Variants in IMP4 observed in about 807,000 individuals in gnomAD.
The protein encoded by IMP4 is IMP U3 small nucleolar ribonucleoprotein 4, also known as U3 small nucleolar ribonucleoprotein IMP4.
IMP4 carries 30 observed loss-of-function variants against 42.7 expected under a neutral mutation model. The observed-to-expected ratio is 0.70, with a 90% confidence interval of 0.53 to 0.95. The LOEUF (loss-of-function observed/expected upper bound fraction) is 0.95. IMP4 is among the 40% of genes least tolerant of loss of function. The probability of loss-of-function intolerance (pLI) is 0.00; values close to 1 mark genes in which losing one functional copy is unlikely to be tolerated. For synonymous variants in IMP4, 165 were observed against 165.2 expected (o/e 1.00, Z 0.01); for missense variants, 382 against 411.4 (o/e 0.93, Z 0.62).
In IMP4 at chr2:130,347,063, C is replaced by G. The variant is rs1450094149; in HGVS notation, c.*595C>G. ...TGTAAAAAATAACATGCCACATTTT[C>G]TTACCAATCCGTCCACCAATAGACA... On this transcript the variant is annotated 3_prime_UTR_variant, in exon 9 of 9. Transcript: ENST00000259239. 3.2e-5 allele frequency: 5 copies of G among 157,090 alleles called. No homozygotes were observed. In the East Asian group the frequency reaches 9.5e-4, roughly 30 times the overall value. 9.7% of individuals were successfully genotyped at this position (157,090 alleles called of 1,614,324 possible).
chr2:130,346,651 A>G lies in IMP4; in HGVS notation c.*183A>G, dbSNP rs1426267382. The G allele has an allele frequency of 1.3e-5, 8 of 625,482 alleles. No individual in the cohort carries two copies. Among genetic ancestry groups the G allele is most frequent in the Admixed American group, 1.0e-4 (4 of 39,132 alleles). The allele number at this position is 625,482 out of a possible 1,614,324, so 38.7% of individuals were successfully genotyped here. ...CCGCCTGCCTCTGAGTGGTCAGGCC[A>G]AGTCTGCAGGGCAAAGCCCATGGGA... On this transcript the variant is annotated 3_prime_UTR_variant, in exon 9 of 9. Transcript: ENST00000259239.
rs966291566 is a variant in IMP4 at position 130,347,266 on chromosome 2, A to G, written c.*798A>G. The G allele has an allele frequency of 6.6e-6, 1 of 152,226 alleles. No homozygotes were observed. The highest frequency in any genetic ancestry group is 2.4e-5 in the African/African-American group (1 of 41,434). The allele number at this position is 152,226 out of a possible 1,614,324, so 9.4% of individuals were successfully genotyped here. ...TTGAGGAACCGCCATACTGTTTTCC[A>G]TAAAGGCTGTACTAATTTCCATTCT... On this transcript the variant is annotated 3_prime_UTR_variant, in exon 9 of 9. Transcript: ENST00000259239.
intron 2 of IMP4, 91 bp downstream of exon 2, chr2:130,343,285 C>T (rs1361142985): frequency 3.1e-6 from 3 of 961,112 alleles, no homozygotes; most frequent in South Asian, 1.4e-5. Context: ...AAATGCTTGC[C>T]GGCCGTTTTC....
Position 130,346,979 on chromosome 2 carries a change from A to G in IMP4, c.*511A>G, listed in dbSNP as rs867736767. ...TTTGTTTTGTGTCTGGCTTATTTCT[A>G]TTAACATAATGTTCTCCAGGTTCCT... On this transcript the variant is annotated 3_prime_UTR_variant, in exon 9 of 9. Coordinates refer to ENST00000259239, the MANE Select transcript of IMP4 (RefSeq NM_033416.3). The G allele has an allele frequency of 3.0e-5, 5 of 164,034 alleles. No homozygotes were observed. The highest frequency in any genetic ancestry group is 1.2e-4 in the African/African-American group (5 of 41,738). 10.2% of individuals were successfully genotyped at this position (164,034 alleles called of 1,614,324 possible).
rs1417657126 is a variant in IMP4 at position 130,346,211 on chromosome 2, T to A, written c.700T>A (p.Tyr234Asn). Residue 234 changes from tyrosine to asparagine, a missense_variant, in exon 8 of 9, where the codon TAT (tyrosine) becomes AAT (asparagine). Physicochemically the swap from Tyr to Asn is moderately radical, Grantham distance 143. Coordinates refer to ENST00000259239, the MANE Select transcript of IMP4 (RefSeq NM_033416.3). ...GCTGTTCCCTCCCAGGCACCATGTGTATAAGAAGACAGACCACCGCAACGT... is the reference window on the plus strand; with the variant it reads ...GCTGTTCCCTCCCAGGCACCATGTGAATAAGAAGACAGACCACCGCAACGT... ...DDYISFRHHV[Y>N]KKTDHRNVEL... 1 of 1,613,976 alleles carries A rather than the reference T, an allele frequency of 6.2e-7. No homozygotes were observed. The highest frequency in any genetic ancestry group is 1.3e-5 in the African/African-American group (1 of 74,898).
chr2:130,344,517 G>A, intron 2 of IMP4, 112 bp from the exon 3 acceptor site: 1 of 765,540 alleles, frequency 1.3e-6, no homozygotes, highest in African/African-American at 1.7e-5. Context: ...GCTCAGAAAG[G>A]GCTGAGGTAT....
At chr2:130,343,400 G>T (rs1050662518) in intron 2 of IMP4, 14 of 712,662 alleles carry the variant, frequency 2.0e-5, no homozygotes, top group Non-Finnish European at 3.4e-5. Context: ...CAGCTTGCCC[G>T]CTGTGTGCAG....
In IMP4 at chr2:130,346,582, T is replaced by G; in HGVS notation, c.*114T>G. 1.3e-6 allele frequency: 1 copy of G among 793,716 alleles called. No homozygotes were observed. Among genetic ancestry groups the G allele is most frequent in the East Asian group, 2.7e-5 (1 of 37,492 alleles). 49.2% of individuals were successfully genotyped at this position (793,716 alleles called of 1,614,324 possible). A position where few individuals can be genotyped will look rare whatever the true frequency, so the allele number is the denominator to read the frequency against. ...GGCCTGCTGAACTGGGATGTGGAAC[T>G]GTGGCGGGTGGAGAGGTCTGAATAA... is the stretch of plus-strand genomic sequence containing the variant. On this transcript the variant is annotated 3_prime_UTR_variant, in exon 9 of 9. Coordinates refer to ENST00000259239, the MANE Select transcript of IMP4 (RefSeq NM_033416.3).
rs755918005 is a variant in IMP4 at position 130,345,953 on chromosome 2, G to A, written c.594+20G>A. ...AAGCGGGTGAGTCTGGGGGCCTTCA[G>A]GCTGGGGCTGCGGGCCAGGCCAGGC... On this transcript the variant is annotated intron_variant, in intron 6 of 8. Coordinates refer to ENST00000259239, the MANE Select transcript of IMP4 (RefSeq NM_033416.3). This position sits in a 1 kb window ranked among gnomAD's most constrained non-coding sequence, Gnocchi z 4.9. The A allele has an allele frequency of 1.9e-6, 3 of 1,614,208 alleles. No homozygotes were observed. The South Asian group carries it at 3.3e-5, about 18-fold the overall frequency.
rs548838240 is a variant in IMP4, at chr2:130,344,725, G to A, written c.196+13G>A. Reference sequence around the variant, plus strand: ...GCTGGAGGTGAAGGTAACTATACAAGGTAGCCCTCCCCAACACTGAGCTGG... The same window carrying A: ...GCTGGAGGTGAAGGTAACTATACAAAGTAGCCCTCCCCAACACTGAGCTGG... On this transcript the variant is annotated intron_variant, in intron 3 of 8. Coordinates refer to ENST00000259239, the MANE Select transcript of IMP4 (RefSeq NM_033416.3). The A allele has an allele frequency of 3.8e-6, 6 of 1,585,352 alleles. No individual in the cohort carries two copies. In the South Asian group the frequency reaches 6.6e-5, roughly 18 times the overall value.
chr2:130,344,420 G>A (rs1056336690), intron 2 of IMP4, among the ~76,000 whole-genome samples: 1 of 152,218 alleles, frequency 6.6e-6, no homozygotes, highest in East Asian at 1.9e-4. Flanking sequence ...CAAGTCATGA[G>A]ACTAAAGAAA....
Position 130,345,866 on chromosome 2 carries a change from T to C in IMP4, c.527T>C (p.Leu176Pro), listed in dbSNP as rs1431453677. 1.2e-6 allele frequency: 2 copies of C among 1,614,158 alleles called. No individual in the cohort carries two copies. The highest frequency in any genetic ancestry group is 2.2e-5 in the South Asian group (2 of 91,078). ...NVVMRHDIPDLGTMSEAKPHL... is the reference protein window; with the variant it reads ...NVVMRHDIPDPGTMSEAKPHL... The stretch of plus-strand genomic sequence containing the variant: ...GTCATGCGGCATGACATCCCAGACC[T>C]GGGCACCATGTCGGAGGCCAAGCCC... The change falls in exon 6 of 9, where the codon CTG (leucine) becomes CCG (proline). Residue 176 changes from leucine (L) to proline (P), a missense_variant. Transcript: ENST00000259239. The surrounding 1 kb of genome is among the most constrained non-coding windows in gnomAD (Gnocchi z 4.9).
rs1573843525 is a variant in IMP4 at position 130,346,041 on chromosome 2, A to G, written c.618A>G (p.Leu206=). The G allele has an allele frequency of 1.2e-6, 2 of 1,613,868 alleles. No homozygotes were observed. Among genetic ancestry groups the G allele is most frequent in the Admixed American group, 3.3e-5 (2 of 59,992 alleles). Residue 206 remains leucine (L), a synonymous_variant, in exon 7 of 9, where the codon CTA becomes CTG. Transcript: ENST00000259239. ...GKRVSDILRY[L]FPVPKDDSHR... ...AGGTCTCTGACATCCTCCGATACCTATTTCCCGTGCCCAAAGATGACAGCC... is the reference window on the plus strand; with the variant it reads ...AGGTCTCTGACATCCTCCGATACCTGTTTCCCGTGCCCAAAGATGACAGCC...
rs367824975 is a variant in IMP4, at chr2:130,346,333, G to A, written c.764-23G>A. ...GGGAGGGGAGGCTGGCTGTGCCGGG[G>A]CTGATGCCATCCCTGCCTGCAGTGT... On this transcript the variant is annotated intron_variant, in intron 8 of 8. Transcript: ENST00000259239. 8 of 1,602,886 alleles carry A rather than the reference G, an allele frequency of 5.0e-6. No individual in the cohort carries two copies. In the Admixed American group the frequency reaches 1.4e-4, roughly 28 times the overall value.
chr2:130,346,046 C>T lies in IMP4; in HGVS notation c.623C>T (p.Pro208Leu), dbSNP rs151133666. ...TCTGACATCCTCCGATACCTATTTC[C>T]CGTGCCCAAAGATGACAGCCACCGG... ...RVSDILRYLF[P>L]VPKDDSHRVI... The change falls in exon 7 of 9, where the codon CCC becomes CTC. Residue 208 changes from proline to leucine, a missense_variant. Pro to Leu is a moderately conservative substitution (Grantham distance 98). Transcript: ENST00000259239. 2 of 1,614,206 alleles carry T rather than the reference C, an allele frequency of 1.2e-6. No individual in the cohort carries two copies. Among genetic ancestry groups the T allele is most frequent in the East Asian group, 2.2e-5 (1 of 44,876 alleles).
Position 130,346,252 on chromosome 2 carries a change from C to A in IMP4, c.741C>A (p.Val247=). 1.2e-6 allele frequency: 2 copies of A among 1,614,100 alleles called. No individual in the cohort carries two copies. The highest frequency in any genetic ancestry group is 1.7e-6 in the Non-Finnish European group (2 of 1,180,008). ...TDHRNVELTE[V]GPRFELKLYM... is the part of the protein sequence containing the mutation. ...ACCGCAACGTGGAGCTCACTGAGGT[C>A]GGGCCCCGCTTTGAGCTGAAGCGTG... Residue 247 remains valine, a synonymous_variant, in exon 8 of 9, where the codon GTC becomes GTA. Coordinates refer to ENST00000259239, the MANE Select transcript of IMP4 (RefSeq NM_033416.3).
chr2:130,347,791 A>G lies in IMP4; in HGVS notation c.*1323A>G, dbSNP rs1415126268. ...CCAGCCTCCAGAGCTGTGAGAAATA[A>G]ATGCCTGTTGTTTAAGCTACCCAGT... On this transcript the variant is annotated 3_prime_UTR_variant, in exon 9 of 9. Coordinates refer to ENST00000259239, the MANE Select transcript of IMP4 (RefSeq NM_033416.3). 6.5e-6 allele frequency: 1 copy of G among 153,006 alleles called. No homozygotes were observed. The highest frequency in any genetic ancestry group is 1.5e-5 in the Non-Finnish European group (1 of 68,708). 9.5% of individuals were successfully genotyped at this position (153,006 alleles called of 1,614,324 possible).
chr2:130,343,399 C>A (rs1267272275), intron 2 of IMP4: 2 of 713,504 alleles, frequency 2.8e-6, no homozygotes, highest in Non-Finnish European at 5.2e-6. Flanking sequence ...GCAGCTTGCC[C>A]GCTGTGTGCA....
At chr2:130,344,741 AC>A (rs1679388516) in intron 3 of IMP4, 29 bp downstream of exon 3, 2 of 1,494,044 alleles carry the variant, frequency 1.3e-6, no homozygotes, top group Admixed American at 3.3e-5. Context: ...CCTCCCCAAC[AC>A]TGAGCTGGCA....
Sources: gnomAD v4.1 joint callset for allele counts (sites outside exome capture counted in the v4.1 genomes callset) on GRCh38, gnomAD v4.1.1 for gene constraint, Gnocchi (gnomAD v3.1) non-coding constraint, MANE v1.5 for transcripts, NCBI Gene and HGNC (gene_info 2026-07-23, HGNC 2026-07-21) for gene names.